CTCF: variants seen among roughly 807,000 people sequenced by gnomAD.
CTCF encodes the protein CCCTC-binding factor.
In CTCF, 7 loss-of-function variants were observed where a neutral mutation model predicts 72.3. The ratio of observed to expected loss-of-function variants is 0.10; its 90% CI spans 0.06 to 0.18. The LOEUF is 0.18. Ranked by LOEUF, CTCF falls within the 10% of genes least tolerant of loss-of-function variation. The probability of loss-of-function intolerance (pLI) is 1.00; values close to 1 mark genes in which losing one functional copy is unlikely to be tolerated. For missense variants in CTCF, 516 were observed against 949.1 expected, an observed-to-expected ratio of 0.54 and a Z score of 6.00; for synonymous variants, 374 against 315.8, an observed-to-expected ratio of 1.18 and a Z score of -1.95.
chr16:67,577,928 T>A lies in CTCF; in HGVS notation c.-10+6664T>A, dbSNP rs576750737. 9.8e-5 allele frequency among the ~76,000 whole-genome samples: 15 copies of A among 152,316 alleles called. 1 individual carries two copies. The highest frequency in any genetic ancestry group is 6.8e-3 in the Middle Eastern group (2 of 294). ...TTTGGTCTTAAACTTTGTTTAAATA[T>A]TACCCAAGTAATGTTTAGTTTCATT... is the stretch of plus-strand genomic sequence containing the variant. On this transcript the variant is annotated intron_variant, in intron 2 of 11. Transcript: ENST00000264010.
intron 7 of CTCF, among the ~76,000 whole-genome samples, chr16:67,625,582 G>T (rs955158631): frequency 6.6e-6 from 1 of 152,098 alleles, no homozygotes. Flanking sequence ...GCTCCCATGG[G>T]CTCAAATTCT....
At chr16:67,585,209 C>T (rs1266094122) in intron 2 of CTCF, among the ~76,000 whole-genome samples, 2 of 152,068 alleles carry the variant, frequency 1.3e-5, no homozygotes, top group African/African-American at 4.8e-5. Context: ...ACCATCATGC[C>T]CGGCTAATTT....
At chr16:67,599,831 C>A (rs1422369853) in intron 2 of CTCF, among the ~76,000 whole-genome samples, 1 of 152,120 alleles carries the variant, frequency 6.6e-6, no homozygotes, top group Non-Finnish European at 1.5e-5. Context: ...TATTCCCTGT[C>A]CAGTGTCATT....
At position 67,638,161 on chromosome 16, in the gene CTCF, TGACC is replaced by T. The variant is rs2052457853; in HGVS notation, c.*290_*293del. On this transcript the variant is annotated 3_prime_UTR_variant, in exon 12 of 12. Coordinates refer to ENST00000264010, the MANE Select transcript of CTCF (RefSeq NM_006565.4). ...TTTTCCTAGATGGAAACGGAGACAT[TGACC>T]CCTCCCTCCATGTGGTAAACCACTC... 2.9e-6 allele frequency: 1 copy of T among 344,536 alleles called. No individual in the cohort carries two copies. Among genetic ancestry groups the T allele is most frequent in the Admixed American group, 4.3e-5 (1 of 23,158 alleles). 21.3% of individuals were successfully genotyped at this position (344,536 alleles called of 1,614,324 possible). A position where few individuals can be genotyped will look rare whatever the true frequency, so the allele number is the denominator to read the frequency against.
intron 2 of CTCF, among the ~76,000 whole-genome samples, chr16:67,580,972 A>G (rs986571012): frequency 2.0e-5 from 3 of 151,456 alleles, no homozygotes; most frequent in South Asian, 2.1e-4. Context: ...TCTTTCGCCC[A>G]CGCGGGAGTG....
chr16:67,621,653 T>G, intron 7 of CTCF, 62 bp downstream of exon 7: 1 of 1,276,346 alleles, frequency 7.8e-7, no homozygotes, highest in Non-Finnish European at 1.1e-6. Context: ...TTTCGAAATA[T>G]GGGGATCAAA....
intron 2 of CTCF, among the ~76,000 whole-genome samples, chr16:67,601,684 AG>A (rs1465623089): frequency 1.3e-5 from 2 of 152,032 alleles, no homozygotes; most frequent in African/African-American, 4.8e-5. Context: ...AAGACCGAGT[AG>A]ATGCTGTTGT....
At chr16:67,578,217 C>G (rs1441112684) in intron 2 of CTCF, among the ~76,000 whole-genome samples, 1 of 151,628 alleles carries the variant, frequency 6.6e-6, no homozygotes, top group Non-Finnish European at 1.5e-5. Context: ...AATCCTCAGT[C>G]TTGCCTCTGA....
chr16:67,565,159 G>A (rs2051326406), intron 1 of CTCF, among the ~76,000 whole-genome samples: 1 of 151,782 alleles, frequency 6.6e-6, no homozygotes, highest in African/African-American at 2.4e-5. Flanking sequence ...GTGCCACCAC[G>A]CCCGGCTAAT....
At chr16:67,575,744 A>G (rs548482323) in intron 2 of CTCF, among the ~76,000 whole-genome samples, 7 of 152,124 alleles carry the variant, frequency 4.6e-5, no homozygotes, top group East Asian at 3.9e-4. Context: ...CGCCCAGCCA[A>G]GTTGGTTATT....
At chr16:67,602,577 C>CATGTCTTTA (rs927847368) in intron 2 of CTCF, among the ~76,000 whole-genome samples, 1 of 151,952 alleles carries the variant, frequency 6.6e-6, no homozygotes, top group Non-Finnish European at 1.5e-5. Flanking sequence ...CACGGTGGTT[C>CATGTCTTTA]ATGTCTTTAA....
chr16:67,597,428 C>T (rs1295506956), intron 2 of CTCF, among the ~76,000 whole-genome samples: 2 of 152,068 alleles, frequency 1.3e-5, no homozygotes, highest in African/African-American at 4.8e-5. Flanking sequence ...CAACCTCCAC[C>T]TCCTGGGTTC....
At chr16:67,575,061 T>A (rs1388191656) in intron 2 of CTCF, among the ~76,000 whole-genome samples, 3 of 152,178 alleles carry the variant, frequency 2.0e-5, no homozygotes, top group Admixed American at 6.6e-5. Flanking sequence ...TTTCCATATG[T>A]CCTTGTGGAT....
chr16:67,594,238 A>G (rs545523813), intron 2 of CTCF, among the ~76,000 whole-genome samples: 56 of 152,044 alleles, frequency 3.7e-4, no homozygotes, highest in African/African-American at 1.3e-3. Context: ...AATAAAATGA[A>G]CCAAGTATGG....
chr16:67,593,127 ATATT>A (rs1324516925), intron 2 of CTCF, among the ~76,000 whole-genome samples: 3 of 150,364 alleles, frequency 2.0e-5, no homozygotes, highest in Admixed American at 6.7e-5. Context: ...TTTTTAATAT[ATATT>A]TTATACATAT....
intron 2 of CTCF, among the ~76,000 whole-genome samples, chr16:67,578,556 C>T (rs1353474795): frequency 6.6e-6 from 1 of 150,818 alleles, no homozygotes; most frequent in African/African-American, 2.4e-5. Context: ...TGGTCTCGAA[C>T]TCCTGGCCTC....
At chr16:67,569,700 T>A (rs79036364) in intron 1 of CTCF, among the ~76,000 whole-genome samples, 1 of 151,752 alleles carries the variant, frequency 6.6e-6, no homozygotes. Flanking sequence ...TTTTTTTTTT[T>A]AATGAGACGG....
Position 67,630,631 on chromosome 16 carries a change from G to A in CTCF, c.1837+1098G>A, listed in dbSNP as rs370601630. Among the ~76,000 whole-genome samples the A allele has an allele frequency of 1.1e-4, 17 of 152,092 alleles. No individual in the cohort carries two copies. The East Asian group carries it at 1.9e-3, about 17-fold the overall frequency. On this transcript the variant is annotated intron_variant, in intron 10 of 11. Coordinates refer to ENST00000264010, the MANE Select transcript of CTCF (RefSeq NM_006565.4). ...TTAGCCAGGTGTGGTGGTACATGCC[G>A]ATAGTCCCAGCTACTCGAGAGGCTG...
chr16:67,626,359 G>A (rs541556100), intron 7 of CTCF, 196 bp from the exon 8 acceptor site: 9 of 344,820 alleles, frequency 2.6e-5, no homozygotes, highest in Admixed American at 1.4e-4. Context: ...AGGCTGAGGC[G>A]GGAGAATGGC....
Sources: allele counts gnomAD v4.1 joint callset (sites outside exome capture counted in the v4.1 genomes callset), GRCh38; gene constraint gnomAD v4.1.1; transcripts MANE v1.5; gene names NCBI Gene and HGNC (gene_info 2026-07-23, HGNC 2026-07-21).